The following NRF1 variants were observed in gnomAD, a reference collection of about 807,000 sequenced individuals.
NRF1 encodes the protein alpha palindromic-binding protein.
Under a neutral mutation model 58.5 loss-of-function variants are expected in NRF1, and 5 were observed. That is an observed-to-expected ratio of 0.09 (90% CI 0.04 to 0.18). NRF1 has a LOEUF of 0.18. Among genes scored for constraint, NRF1 ranks in the 10% least tolerant of loss-of-function variants. The probability of loss-of-function intolerance (pLI) is 1.00; values close to 1 mark genes in which losing one functional copy is unlikely to be tolerated. For missense variants in NRF1, 288 were observed against 657.7 expected, an observed-to-expected ratio of 0.44 and a Z score of 6.15; for synonymous variants, 224 against 246.7, an observed-to-expected ratio of 0.91 and a Z score of 0.86.
At position 129,647,065 on chromosome 7, in the gene NRF1, G is replaced by A. The variant is rs535126506; in HGVS notation, c.-6-10281G>A. On this transcript the variant is annotated intron_variant, in intron 1 of 10. Transcript: ENST00000393232. ...TTCTTTTTTTCTTCGAGATGGAGTC[G>A]CACCCTGTCGCCCAGGCTGGAGAAT... Among the ~76,000 whole-genome samples the A allele has an allele frequency of 1.6e-4, 25 of 152,142 alleles. No homozygotes were observed. In the South Asian group the frequency reaches 4.8e-3, roughly 29 times the overall value.
chr7:129,675,478 C>CTA (rs893390909), intron 3 of NRF1, among the ~76,000 whole-genome samples: 1 of 152,192 alleles, frequency 6.6e-6, no homozygotes, highest in African/African-American at 2.4e-5. Flanking sequence ...ACTATAGCAG[C>CTA]TATATCCTTT....
At chr7:129,682,226 A>T (rs1020167042) in intron 4 of NRF1, among the ~76,000 whole-genome samples, 2 of 152,154 alleles carry the variant, frequency 1.3e-5, no homozygotes, top group Non-Finnish European at 2.9e-5. Context: ...TTGGGAGCTG[A>T]GGTGGGAGGA....
intron 5 of NRF1, among the ~76,000 whole-genome samples, chr7:129,696,570 T>C (rs1802704247): frequency 1.3e-5 from 2 of 152,202 alleles, no homozygotes; most frequent in African/African-American, 4.8e-5. Context: ...TTTCAGAACA[T>C]GTGGGTAATT....
chr7:129,667,991 C>G (rs1421638396), intron 2 of NRF1, among the ~76,000 whole-genome samples: 2 of 152,062 alleles, frequency 1.3e-5, no homozygotes, highest in African/African-American at 2.4e-5. Context: ...TCTTGAACTC[C>G]TGGCCTCAAG....
intron 1 of NRF1, among the ~76,000 whole-genome samples, chr7:129,620,498 T>C (rs567709476): frequency 1.6e-4 from 25 of 151,842 alleles, no homozygotes; most frequent in Admixed American, 5.2e-4. Flanking sequence ...AAGCGATTCT[T>C]CTGCCTCAGC....
At position 129,710,468 on chromosome 7, in the gene NRF1, C is replaced by T. The variant is rs1217910568; in HGVS notation, c.860C>T (p.Thr287Met). 1.2e-5 allele frequency: 20 copies of T among 1,613,490 alleles called. No individual in the cohort carries two copies. The highest frequency in any genetic ancestry group is 1.4e-5 in the Non-Finnish European group (17 of 1,179,440). ...DLLYAFEDQQ[T>M]QTQATATHSI... ...TTGTATGCCTTTGAAGATCAGCAAA[C>T]GCAAACACAGGCCACAGCCACACAT... The change falls in exon 7 of 11, where the codon ACG becomes ATG. Residue 287 changes from threonine to methionine, a missense_variant. By Grantham distance (81) the Thr-to-Met change is moderately conservative (BLOSUM62 -1). Around this residue, in one of 3 missense-constraint regions of NRF1, gnomAD observed 212 missense variants for 559.7 expected, o/e 0.38. Transcript: ENST00000393232.
intron 1 of NRF1, among the ~76,000 whole-genome samples, chr7:129,619,154 A>C (rs1481751641): frequency 6.6e-6 from 1 of 151,890 alleles, no homozygotes; most frequent in African/African-American, 2.4e-5. Flanking sequence ...CTATGAAGTA[A>C]GTTGAGAAAG....
At chr7:129,619,629 A>T (rs1800747216) in intron 1 of NRF1, among the ~76,000 whole-genome samples, 1 of 149,520 alleles carries the variant, frequency 6.7e-6, no homozygotes, top group Non-Finnish European at 1.5e-5. Context: ...GCTTAGAAAT[A>T]GGTCCTGTTC....
chr7:129,715,019 A>T (rs1221699595), intron 8 of NRF1, among the ~76,000 whole-genome samples: 1 of 152,182 alleles, frequency 6.6e-6, no homozygotes, highest in Non-Finnish European at 1.5e-5. Flanking sequence ...TGTACTTCCA[A>T]ATAGAAATTG....
rs550549703 is a variant in NRF1, at chr7:129,662,958, C to G, written c.223+5384C>G. On this transcript the variant is annotated intron_variant, in intron 2 of 10. Transcript: ENST00000393232. Reference sequence around the variant, plus strand: ...TTGAGATTAGGGAGTGGTGATGACTCTTAACGAGCATGCTGTCTTCAAGCA... The same window carrying G: ...TTGAGATTAGGGAGTGGTGATGACTGTTAACGAGCATGCTGTCTTCAAGCA... 2.5e-3 allele frequency among the ~76,000 whole-genome samples: 381 copies of G among 152,308 alleles called. 2 individuals are homozygous for G. The highest frequency in any genetic ancestry group is 8.9e-3 in the African/African-American group (368 of 41,558).
chr7:129,692,385 T>C (rs1802590749), intron 5 of NRF1, among the ~76,000 whole-genome samples: 1 of 151,994 alleles, frequency 6.6e-6, no homozygotes, highest in Non-Finnish European at 1.5e-5. Flanking sequence ...TTTTTGTCTC[T>C]ACAAAAAATA....
At chr7:129,751,304 G>A (rs1205889275) in intron 10 of NRF1, among the ~76,000 whole-genome samples, 2 of 152,376 alleles carry the variant, frequency 1.3e-5, no homozygotes, top group East Asian at 3.9e-4. Context: ...AAGGGGTTTG[G>A]ACTTTATATC....
At position 129,678,709 on chromosome 7, in the gene NRF1, A is replaced by G. The variant is rs147830515; in HGVS notation, c.465+951A>G. On this transcript the variant is annotated intron_variant, in intron 4 of 10. Transcript: ENST00000393232. ...CTTTACTGTCACACTGTTGACAAAC[A>G]TGAAATCTGGGCATTTCTTCTCTTC... Among the ~76,000 whole-genome samples the G allele has an allele frequency of 2.6e-5, 4 of 152,322 alleles. No individual in the cohort carries two copies. In the East Asian group the frequency reaches 7.7e-4, roughly 29 times the overall value.
chr7:129,718,350 A>G (rs540567840), intron 9 of NRF1, among the ~76,000 whole-genome samples: 1 of 152,270 alleles, frequency 6.6e-6, no homozygotes, highest in Admixed American at 6.5e-5. Flanking sequence ...AGGCTCTCCT[A>G]TTCTGTAAAA....
chr7:129,615,574 G>C (rs1273416389), intron 1 of NRF1, among the ~76,000 whole-genome samples: 2 of 152,164 alleles, frequency 1.3e-5, no homozygotes, highest in Non-Finnish European at 2.9e-5. Context: ...GATAGCTAAA[G>C]CTAGTGTTTT....
chr7:129,744,130 CTTTTTTTTT>C (rs35034726), intron 10 of NRF1: 1 of 1,211,564 alleles, frequency 8.3e-7, no homozygotes, highest in Non-Finnish European at 1.1e-6. Context: ...TTGCCCGGTG[CTTTTTTTTT>C]TTTTTTTTTT....
chr7:129,752,386 A>T (rs1804140138), intron 10 of NRF1, among the ~76,000 whole-genome samples: 1 of 152,224 alleles, frequency 6.6e-6, no homozygotes, highest in Non-Finnish European at 1.5e-5. Flanking sequence ...GGGCACCTAG[A>T]GGACAGGGCA....
chr7:129,713,675 G>A (rs1803126767), intron 8 of NRF1, among the ~76,000 whole-genome samples: 2 of 152,244 alleles, frequency 1.3e-5, no homozygotes, highest in African/African-American at 4.8e-5. Context: ...GTAGGCGGTA[G>A]AGAAAAGCAA....
At chr7:129,752,148 C>T (rs1804132802) in intron 10 of NRF1, among the ~76,000 whole-genome samples, 1 of 152,244 alleles carries the variant, frequency 6.6e-6, no homozygotes, top group Non-Finnish European at 1.5e-5. Flanking sequence ...CATGCATCAA[C>T]TGGCCCAGCT....
Sources: gnomAD v4.1 joint callset for allele counts (sites outside exome capture counted in the v4.1 genomes callset) on GRCh38, gnomAD v4.1.1 for gene constraint, gnomAD v4.1.1 regional missense constraint, MANE v1.5 for transcripts, NCBI Gene and HGNC (gene_info 2026-07-23, HGNC 2026-07-21) for gene names.